NTN3: variants seen among roughly 807,000 people sequenced by gnomAD.
NTN3 encodes netrin-3.
Under a neutral mutation model 37.2 loss-of-function variants are expected in NTN3, and 44 were observed. That is an observed-to-expected ratio of 1.18 (90% CI 0.93 to 1.52). NTN3 has a LOEUF of 1.52. Among genes scored for constraint, NTN3 ranks in the 40% most tolerant of loss-of-function variants. NTN3 has a pLI of 0.00. For synonymous variants in NTN3, 385 were observed against 376.0 expected, an observed-to-expected ratio of 1.02 and a Z score of -0.28; for missense variants, 882 against 857.3, an observed-to-expected ratio of 1.03 and a Z score of -0.36.
chr16:2,473,776 G>A lies in NTN3; in HGVS notation c.1414G>A (p.Ala472Thr). 7.2e-7 allele frequency: 1 copy of A among 1,384,148 alleles called. No homozygotes were observed. Among genetic ancestry groups the A allele is most frequent in the Non-Finnish European group, 9.3e-7 (1 of 1,077,640 alleles). 85.7% of individuals were successfully genotyped at this position (1,384,148 alleles called of 1,614,324 possible). A position where few individuals can be genotyped will look rare whatever the true frequency, so the allele number is the denominator to read the frequency against. The change falls in exon 6 of 6, where the codon GCG (alanine) becomes ACG (threonine). Residue 472 changes from alanine to threonine, a missense_variant. Ala to Thr is a moderately conservative substitution (Grantham distance 58). Coordinates refer to ENST00000293973, the MANE Select transcript of NTN3 (RefSeq NM_006181.3). ...KDYAVQVAVGARGEARGAWTR... is the reference protein window; with the variant it reads ...KDYAVQVAVGTRGEARGAWTR... Reference sequence around the variant, plus strand: ...CGCAGCGGTGCAGGTGGCGGTGGGTGCGCGCGGCGAGGCGCGCGGCGCGTG... The same window carrying A: ...CGCAGCGGTGCAGGTGGCGGTGGGTACGCGCGGCGAGGCGCGCGGCGCGTG...
Position 2,471,991 on chromosome 16 carries a change from C to A in NTN3, c.290C>A (p.Ser97Tyr), listed in dbSNP as rs775870554. Residue 97 changes from serine to tyrosine, a missense_variant, in exon 1 of 6, where the codon TCC becomes TAC. By Grantham distance (144) the Ser-to-Tyr change is moderately radical (BLOSUM62 -2). Coordinates refer to ENST00000293973, the MANE Select transcript of NTN3 (RefSeq NM_006181.3). ...AGCCCTCTGTGCTGGCGCTCGGAGT[C>A]CCTGCCTCGGGCGCCCCTCAACGTG... ...TASPLCWRSESLPRAPLNVTL... is the reference protein window; with the variant it reads ...TASPLCWRSEYLPRAPLNVTL... 8.1e-6 allele frequency: 13 copies of A among 1,601,386 alleles called. No homozygotes were observed. The Middle Eastern group carries it at 6.6e-4, about 82-fold the overall frequency.
In NTN3 at chr16:2,472,424, T is replaced by C. The variant is rs1389461064; in HGVS notation, c.723T>C (p.Pro241=). The C allele has an allele frequency of 6.2e-7, 1 of 1,612,162 alleles. No homozygotes were observed. The highest frequency in any genetic ancestry group is 8.5e-7 in the Non-Finnish European group (1 of 1,179,556). ...CCAGGGACATGGAGGCCGTCGTCCC[T>C]TACTCCTACGCAGCCACCGACCTCC... ...GDPRDMEAVV[P]YSYAATDLQV... is the part of the protein sequence containing the mutation. Residue 241 remains proline (P), a synonymous_variant, in exon 1 of 6, where the codon CCT becomes CCC. Transcript: ENST00000293973.
At position 2,473,290 on chromosome 16, in the gene NTN3, T is replaced by C. The variant is rs1410796388; in HGVS notation, c.1290T>C (p.Thr430=). ...PCVKTPIPGP[T]EDSSPVQPQD... ...CAGAGACCCCTATCCCTGGACCCAC[T>C]GAGGACAGCAGCCCTGTGCAGCCCC... Residue 430 remains threonine, a synonymous_variant, in exon 4 of 6, where the codon ACT becomes ACC. Coordinates refer to ENST00000293973, the MANE Select transcript of NTN3 (RefSeq NM_006181.3). 2 of 1,612,802 alleles carry C rather than the reference T, an allele frequency of 1.2e-6. No homozygotes were observed. Among genetic ancestry groups the C allele is most frequent in the East Asian group, 4.5e-5 (2 of 44,862 alleles).
In NTN3 at chr16:2,472,605, G is replaced by A. The variant is rs1246686851; in HGVS notation, c.904G>A (p.Ala302Thr). ...CGACAGGCCATGGCAGCGGGCCACT[G>A]CCCGGGAATCCCACGCCTGCCTCGG... ...YCDRPWQRAT[A>T]RESHACLACS... is the part of the protein sequence containing the mutation. Residue 302 changes from alanine (A) to threonine (T), a missense_variant, in exon 1 of 6, where the codon GCC (alanine) becomes ACC (threonine). Physicochemically the swap from Ala to Thr is moderately conservative, Grantham distance 58. Transcript: ENST00000293973. 6.3e-7 allele frequency: 1 copy of A among 1,595,432 alleles called. No individual in the cohort carries two copies.
rs1175760630 is a variant in NTN3, at chr16:2,473,510, G to T, written c.1393+7G>T. 2 of 1,611,878 alleles carry T rather than the reference G, an allele frequency of 1.2e-6. No individual in the cohort carries two copies. The highest frequency in any genetic ancestry group is 2.2e-5 in the East Asian group (1 of 44,858). ...TTCTGCAAGAAGGACTATGGTAGGT[G>T]CCCTCAGGCCTCCCGCGGACCTTCC... On this transcript the variant is annotated splice_region_variant and intron_variant, in intron 5 of 5. Transcript: ENST00000293973.
intron 1 of NTN3, 34 bp from the exon 2 acceptor site, chr16:2,472,667 A>G (rs1242619474): frequency 1.2e-6 from 2 of 1,605,100 alleles, no homozygotes; most frequent in Non-Finnish European, 1.7e-6. Context: ...CCTTGGACAC[A>G]ACCAGCCTGC....
In NTN3 at chr16:2,473,787, G is replaced by A; in HGVS notation, c.1425G>A (p.Glu475=). 1.4e-6 allele frequency: 2 copies of A among 1,385,532 alleles called. No homozygotes were observed. The highest frequency in any genetic ancestry group is 1.9e-6 in the Non-Finnish European group (2 of 1,078,730). 85.8% of individuals were successfully genotyped at this position (1,385,532 alleles called of 1,614,324 possible). Residue 475 remains glutamate, a synonymous_variant, in exon 6 of 6, where the codon GAG becomes GAA. Coordinates refer to ENST00000293973, the MANE Select transcript of NTN3 (RefSeq NM_006181.3). ...AGGTGGCGGTGGGTGCGCGCGGCGA[G>A]GCGCGCGGCGCGTGGACACGCTTCC... ...AVQVAVGARG[E]ARGAWTRFPV... is the part of the protein sequence containing the mutation.
At position 2,471,378 on chromosome 16, in the gene NTN3, G is replaced by A. The variant is rs1457336141; in HGVS notation, c.-324G>A. The A allele has an allele frequency of 4.7e-6, 1 of 214,992 alleles. No individual in the cohort carries two copies. The highest frequency in any genetic ancestry group is 9.4e-5 in the East Asian group (1 of 10,618). The allele number at this position is 214,992 out of a possible 1,614,324, so 13.3% of individuals were successfully genotyped here. A position where few individuals can be genotyped will look rare whatever the true frequency, so the allele number is the denominator to read the frequency against. ...CCCCGCCCGCCCACGGCCCTTCCCG[G>A]GAGGCCGGGAGACCTGCTCCGCCCG... On this transcript the variant is annotated 5_prime_UTR_variant, in exon 1 of 6. Coordinates refer to ENST00000293973, the MANE Select transcript of NTN3 (RefSeq NM_006181.3).
rs1291238960 is a variant in NTN3, at chr16:2,473,575, TC to T, written c.1393+76del. 5 of 1,494,058 alleles carry T rather than the reference TC, an allele frequency of 3.3e-6. No homozygotes were observed. The African/African-American group carries it at 6.9e-5, about 21-fold the overall frequency. 92.6% of individuals were successfully genotyped at this position (1,494,058 alleles called of 1,614,324 possible). A position where few individuals can be genotyped will look rare whatever the true frequency, so the allele number is the denominator to read the frequency against. ...CCCTACCTTCCCTCCTCCGCCAGCT[TC>T]CCCTTGGAACGCCTTGACCCTTGCT... On this transcript the variant is annotated intron_variant, in intron 5 of 5. Transcript: ENST00000293973.
Position 2,472,461 on chromosome 16 carries a change from C to G in NTN3, c.760C>G (p.Arg254Gly), listed in dbSNP as rs758811567. Reference sequence around the variant, plus strand: ...AGCCACCGACCTCCAGGTGGGCGGGCGCTGCAAGTGCAATGGACATGCCTC... The same window carrying G: ...AGCCACCGACCTCCAGGTGGGCGGGGGCTGCAAGTGCAATGGACATGCCTC... ...YAATDLQVGG[R>G]CKCNGHASRC... is the part of the protein sequence containing the mutation. Residue 254 changes from arginine to glycine, a missense_variant, in exon 1 of 6, where the codon CGC becomes GGC. Coordinates refer to ENST00000293973, the MANE Select transcript of NTN3 (RefSeq NM_006181.3). 6.3e-7 allele frequency: 1 copy of G among 1,596,310 alleles called. No homozygotes were observed.
Position 2,473,457 on chromosome 16 carries a change from T to C in NTN3, c.1347T>C (p.Arg449=). The change falls in exon 5 of 6, where the codon CGT becomes CGC. Residue 449 remains arginine (R), a synonymous_variant. Coordinates refer to ENST00000293973, the MANE Select transcript of NTN3 (RefSeq NM_006181.3). The stretch of plus-strand genomic sequence containing the variant: ...GTGACTCGCACTGCAAACCTGCCCG[T>C]GGCAGCTACCGCATCAGCCTAAAGA... ...QDCDSHCKPA[R]GSYRISLKKF... The C allele has an allele frequency of 6.2e-7, 1 of 1,613,038 alleles. No homozygotes were observed. The highest frequency in any genetic ancestry group is 8.5e-7 in the Non-Finnish European group (1 of 1,179,986).
In NTN3 at chr16:2,473,519, C is replaced by T; in HGVS notation, c.1393+16C>T. 2 of 1,609,952 alleles carry T rather than the reference C, an allele frequency of 1.2e-6. No individual in the cohort carries two copies. Among genetic ancestry groups the T allele is most frequent in the East Asian group, 2.2e-5 (1 of 44,842 alleles). On this transcript the variant is annotated intron_variant, in intron 5 of 5. Coordinates refer to ENST00000293973, the MANE Select transcript of NTN3 (RefSeq NM_006181.3). Reference sequence around the variant, plus strand: ...AAGGACTATGGTAGGTGCCCTCAGGCCTCCCGCGGACCTTCCCACCTTCCT... The same window carrying T: ...AAGGACTATGGTAGGTGCCCTCAGGTCTCCCGCGGACCTTCCCACCTTCCT...
Position 2,473,276 on chromosome 16 carries a change from A to G in NTN3, c.1276A>G (p.Ile426Val), listed in dbSNP as rs748968891. The G allele has an allele frequency of 6.2e-7, 1 of 1,612,658 alleles. No individual in the cohort carries two copies. The highest frequency in any genetic ancestry group is 8.5e-7 in the Non-Finnish European group (1 of 1,179,892). The change falls in exon 4 of 6, where the codon ATC becomes GTC. Residue 426 changes from isoleucine to valine, a missense_variant. Physicochemically the swap from Ile to Val is conservative, Grantham distance 29 (BLOSUM62 3). Transcript: ENST00000293973. ...SPVAPCVKTPIPGPTEDSSPV... is the reference protein window; with the variant it reads ...SPVAPCVKTPVPGPTEDSSPV... ...TCCCTCCCTCTCTGCAGAGACCCCT[A>G]TCCCTGGACCCACTGAGGACAGCAG...
Position 2,471,775 on chromosome 16 carries a change from C to A in NTN3, c.74C>A (p.Ala25Glu). ...LFAALSPGPP[A>E]PADPCHDEGG... ...GCCGCCCTGAGTCCTGGGCCGCCGG[C>A]GCCCGCCGACCCCTGCCACGATGAG... The change falls in exon 1 of 6, where the codon GCG becomes GAG. Residue 25 changes from alanine (A) to glutamate (E), a missense_variant. Physicochemically the swap from Ala to Glu is moderately radical, Grantham distance 107 (BLOSUM62 -1). Coordinates refer to ENST00000293973, the MANE Select transcript of NTN3 (RefSeq NM_006181.3). The A allele has an allele frequency of 7.2e-7, 1 of 1,380,860 alleles. No homozygotes were observed. The highest frequency in any genetic ancestry group is 9.3e-7 in the Non-Finnish European group (1 of 1,075,492). The allele number at this position is 1,380,860 out of a possible 1,614,324, so 85.5% of individuals were successfully genotyped here. A position where few individuals can be genotyped will look rare whatever the true frequency, so the allele number is the denominator to read the frequency against.
rs1457873155 is a variant in NTN3, at chr16:2,473,418, C to T, written c.1319-11C>T. 2 of 1,612,842 alleles carry T rather than the reference C, an allele frequency of 1.2e-6. No individual in the cohort carries two copies. Among genetic ancestry groups the T allele is most frequent in the Non-Finnish European group, 1.7e-6 (2 of 1,179,872 alleles). On this transcript the variant is annotated splice_polypyrimidine_tract_variant and intron_variant, in intron 4 of 5. Coordinates refer to ENST00000293973, the MANE Select transcript of NTN3 (RefSeq NM_006181.3). The stretch of plus-strand genomic sequence containing the variant: ...AAGGGAGTCTGTGCCAGCCTCCCAC[C>T]TTCTACCCAGACTGTGACTCGCACT...
In NTN3 at chr16:2,471,723, C is replaced by T; in HGVS notation, c.22C>T (p.Leu8=). ...GGCCATGCCTGGCTGGCCCTGGGGG[C>T]TGCTGCTGACGGCAGGCACGCTCTT... MPGWPWG[L]LLTAGTLFAA... is the part of the protein sequence containing the mutation. Residue 8 remains leucine (L), a synonymous_variant, in exon 1 of 6, where the codon CTG becomes TTG. Transcript: ENST00000293973. The T allele has an allele frequency of 7.3e-7, 1 of 1,372,458 alleles. No individual in the cohort carries two copies. Among genetic ancestry groups the T allele is most frequent in the Non-Finnish European group, 9.3e-7 (1 of 1,069,692 alleles). 85.0% of individuals were successfully genotyped at this position (1,372,458 alleles called of 1,614,324 possible). A position where few individuals can be genotyped will look rare whatever the true frequency, so the allele number is the denominator to read the frequency against.
rs372844559 is a variant in NTN3, at chr16:2,472,369, T to G, written c.668T>G (p.Val223Gly). The G allele has an allele frequency of 3.7e-6, 6 of 1,612,530 alleles. No individual in the cohort carries two copies. Among genetic ancestry groups the G allele is most frequent in the Non-Finnish European group, 5.1e-6 (6 of 1,179,792 alleles). The change falls in exon 1 of 6, where the codon GTG (valine) becomes GGG (glycine). Residue 223 changes from valine to glycine, a missense_variant. Val to Gly is a moderately radical substitution (Grantham distance 109). Coordinates refer to ENST00000293973, the MANE Select transcript of NTN3 (RefSeq NM_006181.3). The part of the protein sequence containing the change: ...DWVTATDVRV[V>G]LTRPSTAGDP... ...GTGACCGCCACCGACGTCCGTGTAG[T>G]GCTCACAAGGCCTAGCACGGCAGGT...
chr16:2,472,460 GCGCTGCAA>G lies in NTN3; in HGVS notation c.760_767del (p.Arg254ValfsTer28), dbSNP rs762291621. ...CAGCCACCGACCTCCAGGTGGGCGG[GCGCTGCAA>G]GTGCAATGGACATGCCTCACGGTGC... is the stretch of plus-strand genomic sequence containing the variant. On this transcript the variant is annotated frameshift_variant, in exon 1 of 6. Transcript: ENST00000293973. LOFTEE classifies it high-confidence loss of function. 4.8e-3 allele frequency: 7,775 copies of G among 1,611,994 alleles called. 31 individuals are homozygous for G. The highest frequency in any genetic ancestry group is 6.3e-3 in the Non-Finnish European group (7,479 of 1,179,536).
At position 2,472,185 on chromosome 16, in the gene NTN3, C is replaced by T. The variant is rs767001947; in HGVS notation, c.484C>T (p.Pro162Ser). The stretch of plus-strand genomic sequence containing the variant: ...CTGTGACCTGGACTATGGCCGTCTG[C>T]CTGCCCCTGCCAATGGCCCAGCTGG... ...SHCDLDYGRL[P>S]APANGPAGPG... Residue 162 changes from proline (P) to serine (S), a missense_variant, in exon 1 of 6, where the codon CCT becomes TCT. By Grantham distance (74) the Pro-to-Ser change is moderately conservative. Transcript: ENST00000293973. 9 of 1,608,592 alleles carry T rather than the reference C, an allele frequency of 5.6e-6. No homozygotes were observed. The highest frequency in any genetic ancestry group is 6.8e-6 in the Non-Finnish European group (8 of 1,179,862).
Sources: allele counts gnomAD v4.1 joint callset, GRCh38; gene constraint gnomAD v4.1.1; transcripts MANE v1.5; gene names NCBI Gene and HGNC (gene_info 2026-07-23, HGNC 2026-07-21).